The following RGS22 variants were observed in gnomAD, a reference collection of about 807,000 sequenced individuals.
The protein encoded by RGS22 is regulator of G-protein signaling 22.
A neutral mutation model predicts 172.9 loss-of-function variants in RGS22; 148 were observed. That is an observed-to-expected ratio of 0.86 (90% CI 0.75 to 0.98). RGS22 has a LOEUF of 0.98. Ranked by LOEUF, RGS22 falls within the 50% of genes least tolerant of loss-of-function variation. RGS22 has a pLI of 0.00. For missense variants in RGS22, 1,347 were observed against 1,440.8 expected, an observed-to-expected ratio of 0.93 and a Z score of 1.05; for synonymous variants, 458 against 480.2, an observed-to-expected ratio of 0.95 and a Z score of 0.60.
Position 100,019,354 on chromosome 8 carries a change from C to T in RGS22, c.2167-10785G>A, listed in dbSNP as rs115166044. Among the ~76,000 whole-genome samples the T allele has an allele frequency of 6.9e-3, 1,055 of 152,278 alleles. 12 individuals are homozygous for T. Among genetic ancestry groups the T allele is most frequent in the African/African-American group, 0.024 (1,008 of 41,550 alleles). On this transcript the variant is annotated intron_variant, in intron 14 of 27. Transcript: ENST00000360863. ...TATGTTAATGGAACAGTTTCACATACTTCGTTTTGATGTATTTATTTTAAT... is the reference window on the plus strand; with the variant it reads ...TATGTTAATGGAACAGTTTCACATATTTCGTTTTGATGTATTTATTTTAAT...
chr8:100,079,945 A>G lies in RGS22; in HGVS notation c.339+189T>C, dbSNP rs559679539. On this transcript the variant is annotated intron_variant, in intron 4 of 27. Transcript: ENST00000360863. ...AAATTATATGAATCTTCTCAAATTGATAAGTGAACATCAACAAAACTGCTG... is the reference window on the plus strand; with the variant it reads ...AAATTATATGAATCTTCTCAAATTGGTAAGTGAACATCAACAAAACTGCTG... Among the ~76,000 whole-genome samples, 11 of 152,342 alleles carry G rather than the reference A, an allele frequency of 7.2e-5. No homozygotes were observed. The East Asian group carries it at 2.1e-3, about 29-fold the overall frequency.
intron 2 of RGS22, among the ~76,000 whole-genome samples, chr8:100,095,563 T>C (rs1449032786): frequency 6.6e-6 from 1 of 152,202 alleles, no homozygotes; most frequent in Non-Finnish European, 1.5e-5. Flanking sequence ...AAATAAAAGA[T>C]ACATATTGCA....
chr8:99,977,270 A>ATTTCTTTTTTTTTTTTTTTTT (rs1428079850), intron 23 of RGS22, among the ~76,000 whole-genome samples: 1 of 120,390 alleles, frequency 8.3e-6, no homozygotes, highest in Non-Finnish European at 1.7e-5. Flanking sequence ...CGCCCGGTTA[A>ATTTCTTTTTTTTTTTTTTTTT]TTTTTTTTTT....
intron 8 of RGS22, 26 bp downstream of exon 8, chr8:100,063,390 A>G (rs1317843269): frequency 6.8e-7 from 1 of 1,460,810 alleles, no homozygotes; most frequent in East Asian, 2.3e-5. Flanking sequence ...TTTTAAAACT[A>G]TTGAAAAATA....
intron 14 of RGS22, among the ~76,000 whole-genome samples, chr8:100,028,176 A>G (rs1818384816): frequency 6.6e-6 from 1 of 151,972 alleles, no homozygotes; most frequent in Non-Finnish European, 1.5e-5. Context: ...TGACAGTCCC[A>G]TTGTCAGCTC....
At chr8:100,040,854 CCTA>C (rs1207785325) in intron 12 of RGS22, among the ~76,000 whole-genome samples, 1 of 151,982 alleles carries the variant, frequency 6.6e-6, no homozygotes, top group Non-Finnish European at 1.5e-5. Flanking sequence ...CTCTTTTTGT[CCTA>C]CTGTCTCTCC....
chr8:100,030,147 T>C (rs528613212), intron 14 of RGS22, among the ~76,000 whole-genome samples: 6 of 152,340 alleles, frequency 3.9e-5, no homozygotes, highest in African/African-American at 1.2e-4. Flanking sequence ...GGTCTCATAA[T>C]ATAATGGAGC....
At chr8:100,052,503 G>A (rs1821773006) in intron 10 of RGS22, among the ~76,000 whole-genome samples, 1 of 151,508 alleles carries the variant, frequency 6.6e-6, no homozygotes, top group African/African-American at 2.4e-5. Flanking sequence ...GGGTTTCACC[G>A]TGTTAGCCAG....
intron 2 of RGS22, among the ~76,000 whole-genome samples, chr8:100,095,192 T>C (rs1237333755): frequency 1.3e-5 from 2 of 152,144 alleles, no homozygotes; most frequent in Non-Finnish European, 2.9e-5. Context: ...TTTATTTTTG[T>C]TTTTGTTTTG....
chr8:100,005,169 A>G (rs1815552943), intron 16 of RGS22, among the ~76,000 whole-genome samples: 1 of 152,056 alleles, frequency 6.6e-6, no homozygotes, highest in South Asian at 2.1e-4. Context: ...TAGTGTATCA[A>G]ATAGAGAACT....
At chr8:100,048,935 A>G (rs1323764449) in intron 10 of RGS22, among the ~76,000 whole-genome samples, 2 of 152,176 alleles carry the variant, frequency 1.3e-5, no homozygotes, top group Non-Finnish European at 2.9e-5. Context: ...AACTAATACT[A>G]TTGAACCCAT....
chr8:99,964,531 A>T (rs558023040), intron 24 of RGS22, among the ~76,000 whole-genome samples: 1 of 150,632 alleles, frequency 6.6e-6, no homozygotes, highest in African/African-American at 2.4e-5. Context: ...CTGGACCCTG[A>T]TATCTCTAAC....
At chr8:100,054,130 T>C (rs1283930828) in intron 9 of RGS22, among the ~76,000 whole-genome samples, 1 of 152,174 alleles carries the variant, frequency 6.6e-6, no homozygotes, top group Non-Finnish European at 1.5e-5. Context: ...TGGATAGATA[T>C]CATGGTATTC....
At chr8:99,999,232 G>T (rs1042545090) in intron 19 of RGS22, 30 bp downstream of exon 19, 1 of 1,595,544 alleles carries the variant, frequency 6.3e-7, no homozygotes, top group Non-Finnish European at 8.5e-7. Context: ...ACTGACAACT[G>T]CTATCAAAAG....
At chr8:100,068,128 C>T (rs1810672888) in intron 6 of RGS22, among the ~76,000 whole-genome samples, 1 of 152,066 alleles carries the variant, frequency 6.6e-6, no homozygotes, top group African/African-American at 2.4e-5. Flanking sequence ...GTGGTTCATG[C>T]CTATAATCCT....
In RGS22 at chr8:100,006,101, C is replaced by CAGCT; in HGVS notation, c.2366_2369dup (p.Val791AlafsTer21). The CAGCT allele has an allele frequency of 6.2e-7, 1 of 1,611,294 alleles. No individual in the cohort carries two copies. Among genetic ancestry groups the CAGCT allele is most frequent in the Non-Finnish European group, 8.5e-7 (1 of 1,178,402 alleles). On this transcript the variant is annotated frameshift_variant, in exon 16 of 28. Coordinates refer to ENST00000360863, the MANE Select transcript of RGS22 (RefSeq NM_015668.5). LOFTEE classifies it high-confidence loss of function. ...AGTCTAACTGTCGAGTTTCTTCCAC[C>CAGCT]AGCTCCACCTAAAAAAAATAAATAA...
chr8:99,998,259 C>A (rs1436565573), intron 19 of RGS22, among the ~76,000 whole-genome samples: 1 of 152,114 alleles, frequency 6.6e-6, no homozygotes, highest in Non-Finnish European at 1.5e-5. Context: ...TGCCAGGCAC[C>A]ATTCTAAGAA....
intron 23 of RGS22, among the ~76,000 whole-genome samples, chr8:99,966,154 G>A (rs1275332918): frequency 1.3e-5 from 2 of 152,074 alleles, no homozygotes; most frequent in African/African-American, 2.4e-5. Flanking sequence ...AGAAATTTAG[G>A]TCATTTTCTT....
intron 14 of RGS22, among the ~76,000 whole-genome samples, chr8:100,012,682 C>T (rs1198159956): frequency 2.0e-5 from 3 of 151,784 alleles, no homozygotes; most frequent in Admixed American, 1.3e-4. Context: ...AGGTAAATTA[C>T]GAAACTAAAG....
Sources: gnomAD v4.1 joint callset for allele counts (sites outside exome capture counted in the v4.1 genomes callset) on GRCh38, gnomAD v4.1.1 for gene constraint, MANE v1.5 for transcripts, NCBI Gene and HGNC (gene_info 2026-07-23, HGNC 2026-07-21) for gene names.